Variants in FMOD observed in about 807,000 individuals in gnomAD.
FMOD encodes KSPG fibromodulin.
FMOD carries 15 observed loss-of-function variants against 27.0 expected under a neutral mutation model. That is an observed-to-expected ratio of 0.55 (90% CI 0.37 to 0.85). The LOEUF (loss-of-function observed/expected upper bound fraction) is 0.85. Ranked by LOEUF, FMOD falls within the 40% of genes least tolerant of loss-of-function variation. FMOD has a pLI of 0.00. For missense variants in FMOD, 460 were observed against 483.2 expected (o/e 0.95, Z 0.45); for synonymous variants, 210 against 214.0 (o/e 0.98, Z 0.16).
At position 203,348,282 on chromosome 1, in the gene FMOD, A is replaced by G; in HGVS notation, c.-7-5T>C. ...GAGGTCCACTGCATTTTGTCTCTGC[A>G]AGAAGCGGGAGAGAACAGAGCAAGC... On this transcript the variant is annotated splice_polypyrimidine_tract_variant and splice_region_variant and intron_variant, in intron 1 of 2. Coordinates refer to ENST00000354955, the MANE Select transcript of FMOD (RefSeq NM_002023.5). 2 of 1,608,464 alleles carry G rather than the reference A, an allele frequency of 1.2e-6. No individual in the cohort carries two copies. The highest frequency in any genetic ancestry group is 1.7e-6 in the Non-Finnish European group (2 of 1,177,098).
At chr1:203,350,351 C>T (rs564818428) in intron 1 of FMOD, among the ~76,000 whole-genome samples, 22 of 152,106 alleles carry the variant, frequency 1.4e-4, no homozygotes, top group African/African-American at 5.3e-4. Flanking sequence ...TCTGTAAGGT[C>T]GAAAGTTTCC....
At chr1:203,350,938 C>T (rs1658988722) in intron 1 of FMOD, 95 bp downstream of exon 1, 1 of 152,272 alleles carries the variant, frequency 6.6e-6, no homozygotes. Context: ...ATGAACCCTC[C>T]CTGCCTCCCC....
At chr1:203,349,269 C>G (rs184426981) in intron 1 of FMOD, among the ~76,000 whole-genome samples, 3 of 152,338 alleles carry the variant, frequency 2.0e-5, no homozygotes, top group Admixed American at 2.0e-4. Context: ...CAAGGGAAAG[C>G]AGCTTGAGGT....
intron 2 of FMOD, among the ~76,000 whole-genome samples, chr1:203,344,083 A>G (rs58876285): frequency 6.6e-6 from 1 of 152,152 alleles, no homozygotes; most frequent in Non-Finnish European, 1.5e-5. Context: ...GGTCCCAAGG[A>G]CTAGATTAAG....
chr1:203,344,011 G>A (rs540315108), intron 2 of FMOD, among the ~76,000 whole-genome samples: 136 of 152,250 alleles, frequency 8.9e-4, no homozygotes, highest in African/African-American at 3.0e-3. Context: ...GGAAATACTC[G>A]TCTTTGGAAA....
At position 203,341,201 on chromosome 1, in the gene FMOD, C is replaced by A. The variant is rs1471346612; in HGVS notation, c.*1142G>T. 3 of 152,200 alleles carry A rather than the reference C, an allele frequency of 2.0e-5. No homozygotes were observed. The highest frequency in any genetic ancestry group is 4.4e-5 in the Non-Finnish European group (3 of 68,044). 9.4% of individuals were successfully genotyped at this position (152,200 alleles called of 1,614,324 possible). A position where few individuals can be genotyped will look rare whatever the true frequency, so the allele number is the denominator to read the frequency against. ...TCACGGACCCCAGCCAGAGCTGGTA[C>A]TTTTTAACTATGGCCTTAGGACAAA... On this transcript the variant is annotated 3_prime_UTR_variant, in exon 3 of 3. Transcript: ENST00000354955.
In FMOD at chr1:203,341,254, C is replaced by T. The variant is rs1237943079; in HGVS notation, c.*1089G>A. The T allele has an allele frequency of 6.6e-6, 1 of 152,204 alleles. No homozygotes were observed. The highest frequency in any genetic ancestry group is 2.4e-5 in the African/African-American group (1 of 41,432). 9.4% of individuals were successfully genotyped at this position (152,204 alleles called of 1,614,324 possible). A position where few individuals can be genotyped will look rare whatever the true frequency, so the allele number is the denominator to read the frequency against. Reference sequence around the variant, plus strand: ...AGGTGAAACAGATTAACCACATCCTCCTTCTTTGGGCTAGCAAGTCCAGGG... The same window carrying T: ...AGGTGAAACAGATTAACCACATCCTTCTTCTTTGGGCTAGCAAGTCCAGGG... On this transcript the variant is annotated 3_prime_UTR_variant, in exon 3 of 3. Transcript: ENST00000354955.
chr1:203,344,663 T>C (rs1453508513), intron 2 of FMOD, among the ~76,000 whole-genome samples: 1 of 152,186 alleles, frequency 6.6e-6, no homozygotes, highest in Non-Finnish European at 1.5e-5. Context: ...CCTGAGCTCC[T>C]GTTCTTCTTT....
intron 2 of FMOD, among the ~76,000 whole-genome samples, chr1:203,343,992 C>T (rs974219979): frequency 1.3e-5 from 2 of 152,122 alleles, no homozygotes; most frequent in Non-Finnish European, 2.9e-5. Flanking sequence ...AGAAAAGTAG[C>T]GGAAACTGGG....
At chr1:203,348,907 C>T (rs1366693539) in intron 1 of FMOD, among the ~76,000 whole-genome samples, 1 of 152,182 alleles carries the variant, frequency 6.6e-6, no homozygotes, top group Non-Finnish European at 1.5e-5. Flanking sequence ...CCACAAGGCT[C>T]AGGTTGCCCT....
At chr1:203,350,065 T>C (rs981298459) in intron 1 of FMOD, among the ~76,000 whole-genome samples, 4 of 152,244 alleles carry the variant, frequency 2.6e-5, no homozygotes, top group African/African-American at 9.6e-5. Context: ...GGTGGCTGTC[T>C]GGAGGGCTGG....
intron 1 of FMOD, among the ~76,000 whole-genome samples, chr1:203,350,662 A>G (rs377264063): frequency 2.6e-5 from 4 of 152,156 alleles, no homozygotes; most frequent in African/African-American, 9.7e-5. Flanking sequence ...AAACCCCTCT[A>G]TAAGAGAGAT....
intron 2 of FMOD, 121 bp downstream of exon 2, chr1:203,347,171 C>T: frequency 1.6e-6 from 2 of 1,224,534 alleles, no homozygotes; most frequent in Non-Finnish European, 1.1e-6. Flanking sequence ...TGTCAGGTTG[C>T]TTCATTTGTG....
rs1217502390 is a variant in FMOD at position 203,348,038 on chromosome 1, TG to T, written c.232del (p.Gln78ArgfsTer30). On this transcript the variant is annotated frameshift_variant, in exon 2 of 3. Coordinates refer to ENST00000354955, the MANE Select transcript of FMOD (RefSeq NM_002023.5). LOFTEE classifies it high-confidence loss of function. The stretch of plus-strand genomic sequence containing the variant: ...GAAGTTGGGTGGGCAGTCGCACTCC[TG>T]GGGGCAGTCGCGGGGATCTGGAGGG... Reference protein sequence around the residue: ...PSPPDPRDCPQECDCPPNFPT... With the variant: ...PSPPDPRDCPXECDCPPNFPT... 1 of 1,611,982 alleles carries T rather than the reference TG, an allele frequency of 6.2e-7. No homozygotes were observed. The highest frequency in any genetic ancestry group is 1.7e-5 in the Admixed American group (1 of 59,890).
chr1:203,342,262 G>A lies in FMOD; in HGVS notation c.*81C>T. On this transcript the variant is annotated 3_prime_UTR_variant, in exon 3 of 3. Transcript: ENST00000354955. Reference sequence around the variant, plus strand: ...GACTTCTGTCACATGGTCCATCCTGGACCTTCCAGCAAAAGCCAAACCAAA... The same window carrying A: ...GACTTCTGTCACATGGTCCATCCTGAACCTTCCAGCAAAAGCCAAACCAAA... The A allele has an allele frequency of 6.5e-7, 1 of 1,533,160 alleles. No homozygotes were observed. The highest frequency in any genetic ancestry group is 8.8e-7 in the Non-Finnish European group (1 of 1,131,920). 95.0% of individuals were successfully genotyped at this position (1,533,160 alleles called of 1,614,324 possible).
chr1:203,345,653 C>T (rs553577813), intron 2 of FMOD, among the ~76,000 whole-genome samples: 1 of 152,194 alleles, frequency 6.6e-6, no homozygotes, highest in East Asian at 1.9e-4. Flanking sequence ...AATCCCAGCA[C>T]TTTGGGAGGC....
chr1:203,344,400 C>G (rs1380793771), intron 2 of FMOD, among the ~76,000 whole-genome samples: 2 of 152,170 alleles, frequency 1.3e-5, no homozygotes, highest in African/African-American at 2.4e-5. Flanking sequence ...TGAGCACCCC[C>G]CCGTCTTCCC....
chr1:203,346,265 C>G (rs1373456433), intron 2 of FMOD, among the ~76,000 whole-genome samples: 1 of 151,932 alleles, frequency 6.6e-6, no homozygotes, highest in Non-Finnish European at 1.5e-5. Context: ...ACTTCAAAGC[C>G]CTTTGCCAGT....
chr1:203,342,270 A>G lies in FMOD; in HGVS notation c.*73T>C, dbSNP rs1658807800. The G allele has an allele frequency of 6.5e-7, 1 of 1,547,354 alleles. No homozygotes were observed. Among genetic ancestry groups the G allele is most frequent in the Admixed American group, 1.8e-5 (1 of 54,460 alleles). On this transcript the variant is annotated 3_prime_UTR_variant, in exon 3 of 3. Transcript: ENST00000354955. Reference sequence around the variant, plus strand: ...TCACATGGTCCATCCTGGACCTTCCAGCAAAAGCCAAACCAAACCATCAAG... The same window carrying G: ...TCACATGGTCCATCCTGGACCTTCCGGCAAAAGCCAAACCAAACCATCAAG...
Sources: gnomAD v4.1 joint callset for allele counts (sites outside exome capture counted in the v4.1 genomes callset) on GRCh38, gnomAD v4.1.1 for gene constraint, MANE v1.5 for transcripts, NCBI Gene and HGNC (gene_info 2026-07-23, HGNC 2026-07-21) for gene names.